Variants in SCRN2 observed in about 807,000 individuals in gnomAD.
SCRN2 encodes secernin 2.
Under a neutral mutation model 40.1 loss-of-function variants are expected in SCRN2, and 30 were observed. That is an observed-to-expected ratio of 0.75 (90% CI 0.56 to 1.01). SCRN2 has a LOEUF of 1.01. SCRN2 is among the 50% of genes least tolerant of loss of function. The pLI is 0.00. For synonymous variants in SCRN2, 240 were observed against 233.5 expected (o/e 1.03, Z -0.25); for missense variants, 526 against 564.9 (o/e 0.93, Z 0.70).
chr17:47,838,306 T>C lies in SCRN2; in HGVS notation c.1083A>G (p.Gly361=). 6.2e-7 allele frequency: 1 copy of C among 1,607,728 alleles called. No individual in the cohort carries two copies. The highest frequency in any genetic ancestry group is 1.1e-5 in the South Asian group (1 of 90,416). The change falls in exon 7 of 8, where the codon GGA becomes GGG. Residue 361 remains glycine (G), a synonymous_variant. Coordinates refer to ENST00000290216, the MANE Select transcript of SCRN2 (RefSeq NM_138355.4). ...QVDRRHTLYR[G]HQAALGLMER... ...CCATCAGCCCCAGGGCTGCCTGGTG[T>C]CCACGGTAGAGGGTATGCCGACGAT... is the stretch of plus-strand genomic sequence containing the variant.
rs199980564 is a variant in SCRN2, at chr17:47,838,368, G to A, written c.1021C>T (p.Pro341Ser). 115 of 1,609,452 alleles carry A rather than the reference G, an allele frequency of 7.1e-5. No individual in the cohort carries two copies. Among genetic ancestry groups the A allele is most frequent in the Non-Finnish European group, 9.4e-5 (111 of 1,178,468 alleles). The change falls in exon 7 of 8, where the codon CCT becomes TCT. Residue 341 changes from proline (P) to serine (S), a missense_variant. Physicochemically the swap from Pro to Ser is moderately conservative, Grantham distance 74 (BLOSUM62 -1). Transcript: ENST00000290216. ...VLSPTFGAQD[P>S]VRTLPRFQTQ... ...TGGAATCGGGGCAGGGTCCGAACAG[G>A]GTCTTGTGCTCCAAAAGTGGGGGAC... is the stretch of plus-strand genomic sequence containing the variant.
Position 47,837,827 on chromosome 17 carries a change from A to G in SCRN2, c.*17T>C, listed in dbSNP as rs777166100. 1.3e-6 allele frequency: 2 copies of G among 1,586,166 alleles called. No individual in the cohort carries two copies. The highest frequency in any genetic ancestry group is 2.2e-5 in the South Asian group (2 of 89,200). ...AGGGGTCCTGGGTCCACCCCAGGCCAGCAGAAGCTATGAAGCTTACGCATA... is the reference window on the plus strand; with the variant it reads ...AGGGGTCCTGGGTCCACCCCAGGCCGGCAGAAGCTATGAAGCTTACGCATA... On this transcript the variant is annotated 3_prime_UTR_variant, in exon 8 of 8. Coordinates refer to ENST00000290216, the MANE Select transcript of SCRN2 (RefSeq NM_138355.4).
In SCRN2 at chr17:47,837,885, A is replaced by T. The variant is rs748996909; in HGVS notation, c.1237T>A (p.Phe413Ile). 6.2e-7 allele frequency: 1 copy of T among 1,603,310 alleles called. No individual in the cohort carries two copies. Among genetic ancestry groups the T allele is most frequent in the Admixed American group, 1.7e-5 (1 of 59,784 alleles). ...CTCTCCCTCTTCACGAAGGCCTGGA[A>T]GAGGCTGCCCAGCTCCCAGAGGGGT... Reference protein sequence around the residue: ...APPLWELGSLFQAFVKRESQA... With the variant: ...APPLWELGSLIQAFVKRESQA... Residue 413 changes from phenylalanine to isoleucine, a missense_variant, in exon 8 of 8, where the codon TTC becomes ATC. Physicochemically the swap from Phe to Ile is conservative, Grantham distance 21. Coordinates refer to ENST00000290216, the MANE Select transcript of SCRN2 (RefSeq NM_138355.4).
chr17:47,838,988 G>A lies in SCRN2; in HGVS notation c.575C>T (p.Ser192Phe), dbSNP rs764374756. Residue 192 changes from serine to phenylalanine, a missense_variant, in exon 5 of 8, where the codon TCC becomes TTC. Transcript: ENST00000290216. The stretch of plus-strand genomic sequence containing the variant: ...GTCCGTGCCAATGCTCAGCTGGTTG[G>A]AGATGTTGCGGGCCCCCTCTGTGGA... Reference protein sequence around the residue: ...QRIQEGARNISNQLSIGTDIS... With the variant: ...QRIQEGARNIFNQLSIGTDIS... The A allele has an allele frequency of 6.2e-7, 1 of 1,613,998 alleles. No individual in the cohort carries two copies. Among genetic ancestry groups the A allele is most frequent in the South Asian group, 1.1e-5 (1 of 91,084 alleles).
At chr17:47,840,121 G>A in intron 3 of SCRN2, 70 bp downstream of exon 3, 3 of 1,493,650 alleles carry the variant, frequency 2.0e-6, no homozygotes, top group Non-Finnish European at 2.7e-6. Context: ...AGGGATGGAT[G>A]GGCCCAGGTC....
intron 2 of SCRN2, 37 bp from the exon 3 acceptor site, chr17:47,840,409 T>C (rs774909093): frequency 3.6e-5 from 58 of 1,606,666 alleles, no homozygotes; most frequent in Non-Finnish European, 4.9e-5. Flanking sequence ...CGTCCACTCA[T>C]AGAGGGGCGG....
At chr17:47,838,119 C>A in intron 7 of SCRN2, 117 bp from the exon 8 acceptor site, 1 of 1,528,960 alleles carries the variant, frequency 6.5e-7, no homozygotes, top group East Asian at 2.3e-5. Flanking sequence ...CGACATTCCC[C>A]AAAGGCAGTT....
At chr17:47,840,071 T>C (rs1262832559) in intron 3 of SCRN2, 120 bp downstream of exon 3, 1 of 1,027,830 alleles carries the variant, frequency 9.7e-7, no homozygotes, top group Admixed American at 2.6e-5. Flanking sequence ...AAGGGCAAAG[T>C]CTGCAGAGAG....
intron 4 of SCRN2, 50 bp from the exon 5 acceptor site, chr17:47,839,056 A>T: frequency 6.3e-7 from 1 of 1,588,150 alleles, no homozygotes; most frequent in Non-Finnish European, 8.6e-7. Flanking sequence ...CATCTATTCT[A>T]TGCCAGGCAC....
rs1227980360 is a variant in SCRN2 at position 47,838,399 on chromosome 17, CT to C, written c.989del (p.Gln330ArgfsTer23). On this transcript the variant is annotated frameshift_variant, in exon 7 of 8. Coordinates refer to ENST00000290216, the MANE Select transcript of SCRN2 (RefSeq NM_138355.4). LOFTEE classifies it high-confidence loss of function. ...IFGMGVAQAP[Q>X]VLSPTFGAQD... is the part of the protein sequence containing the mutation. ...GTGCTCCAAAAGTGGGGGACAGCAC[CT>C]GGGGGGCCTGGGCCACCCCCATCCC... is the stretch of plus-strand genomic sequence containing the variant. The C allele has an allele frequency of 1.2e-6, 2 of 1,609,978 alleles. No individual in the cohort carries two copies. Among genetic ancestry groups the C allele is most frequent in the Non-Finnish European group, 1.7e-6 (2 of 1,178,924 alleles).
At chr17:47,839,420 G>A in intron 4 of SCRN2, 24 bp downstream of exon 4, 1 of 1,608,190 alleles carries the variant, frequency 6.2e-7, no homozygotes, top group East Asian at 2.2e-5. Context: ...ACTTCCCAAA[G>A]CTGGGAGAAA....
At chr17:47,838,480 T>C in intron 6 of SCRN2, 30 bp from the exon 7 acceptor site, 2 of 1,613,572 alleles carry the variant, frequency 1.2e-6, no homozygotes, top group African/African-American at 1.3e-5. Flanking sequence ...AGCACGGAGA[T>C]ATATCAGATC....
rs1165155089 is a variant in SCRN2, at chr17:47,838,990, G to A, written c.573C>T (p.Ile191=). ...AQRIQEGARN[I]SNQLSIGTDI... ...CCGTGCCAATGCTCAGCTGGTTGGA[G>A]ATGTTGCGGGCCCCCTCTGTGGAGG... Residue 191 remains isoleucine (I), a synonymous_variant, in exon 5 of 8, where the codon ATC becomes ATT. Transcript: ENST00000290216. 1 of 1,613,992 alleles carries A rather than the reference G, an allele frequency of 6.2e-7. No individual in the cohort carries two copies. Among genetic ancestry groups the A allele is most frequent in the East Asian group, 2.2e-5 (1 of 44,884 alleles).
At chr17:47,840,474 TC>T (rs2033798949) in intron 2 of SCRN2, 102 bp from the exon 3 acceptor site, 1 of 1,375,428 alleles carries the variant, frequency 7.3e-7, no homozygotes, top group African/African-American at 1.4e-5. Flanking sequence ...GAGGAAGGTC[TC>T]ATTCCCATTT....
chr17:47,838,624 C>G lies in SCRN2; in HGVS notation c.845G>C (p.Gly282Ala), dbSNP rs1567955964. 6.2e-7 allele frequency: 1 copy of G among 1,613,968 alleles called. No individual in the cohort carries two copies. Among genetic ancestry groups the G allele is most frequent in the Non-Finnish European group, 8.5e-7 (1 of 1,180,034 alleles). ...CACCATGCTGGCCGTGGTGCGAAAGCCTCCCGAGTCCATACAGATACCACT... is the reference window on the plus strand; with the variant it reads ...CACCATGCTGGCCGTGGTGCGAAAGGCTCCCGAGTCCATACAGATACCACT... The part of the protein sequence containing the change: ...KESGICMDSG[G>A]FRTTASMVSV... The change falls in exon 6 of 8, where the codon GGC (glycine) becomes GCC (alanine). Residue 282 changes from glycine (G) to alanine (A), a missense_variant. Transcript: ENST00000290216.
chr17:47,840,838 C>G lies in SCRN2; in HGVS notation c.6G>C (p.Ala2=), dbSNP rs748838774. Residue 2 remains alanine (A), a synonymous_variant, in exon 2 of 8, where the codon GCG becomes GCC. Transcript: ENST00000290216. M[A]SSSPDSPCSC... is the part of the protein sequence containing the mutation. ...AACATGGGGAGTCAGGGCTCGACGA[C>G]GCCATCTGGGGAGAGGCGGGCCTCT... The G allele has an allele frequency of 1.3e-6, 2 of 1,530,744 alleles. No individual in the cohort carries two copies. Among genetic ancestry groups the G allele is most frequent in the Admixed American group, 4.0e-5 (2 of 49,858 alleles). The allele number at this position is 1,530,744 out of a possible 1,614,324, so 94.8% of individuals were successfully genotyped here.
chr17:47,839,729 G>T (rs535521161), intron 3 of SCRN2, 86 bp from the exon 4 acceptor site: 10 of 1,458,782 alleles, frequency 6.9e-6, no homozygotes, highest in Non-Finnish European at 9.5e-6. Flanking sequence ...GAAGAGGCCC[G>T]GAGAGGTTTG....
chr17:47,840,930 G>T (rs2143633178), intron 1 of SCRN2, 87 bp from the exon 2 acceptor site: 1 of 1,260,434 alleles, frequency 7.9e-7, no homozygotes, highest in Non-Finnish European at 1.0e-6. Context: ...AGACGCGCAA[G>T]GAAGACACCG....
Position 47,840,251 on chromosome 17 carries a change from G to A in SCRN2, c.296C>T (p.Ala99Val). Residue 99 changes from alanine (A) to valine (V), a missense_variant, in exon 3 of 8, where the codon GCT (alanine) becomes GTT (valine). By Grantham distance (64) the Ala-to-Val change is moderately conservative. Transcript: ENST00000290216. ...NEHGVCIGNE[A>V]VWTKEPVGEG... The stretch of plus-strand genomic sequence containing the variant: ...CCCAACTGGCTCCTTCGTCCACACA[G>A]CCTCGTTGCCAATGCAGACACCATG... 6.2e-7 allele frequency: 1 copy of A among 1,614,130 alleles called. No homozygotes were observed. Among genetic ancestry groups the A allele is most frequent in the East Asian group, 2.2e-5 (1 of 44,886 alleles).
Sources: gnomAD v4.1 joint callset for allele counts on GRCh38, gnomAD v4.1.1 for gene constraint, MANE v1.5 for transcripts, NCBI Gene and HGNC (gene_info 2026-07-23, HGNC 2026-07-21) for gene names.